Variants in KANK4 observed in about 807,000 individuals in gnomAD.
KANK4 encodes the protein KN motif and ankyrin repeat domains 4.
A neutral mutation model predicts 80.8 loss-of-function variants in KANK4; 50 were observed. The observed-to-expected ratio is 0.62, with a 90% CI of 0.49 to 0.78. KANK4 has a LOEUF of 0.78. KANK4 is among the 30% of genes least tolerant of loss of function. The pLI is 0.00. For synonymous variants in KANK4, 465 were observed against 506.9 expected (o/e 0.92, Z 1.11); for missense variants, 1,196 against 1,240.1 (o/e 0.96, Z 0.53).
chr1:62,296,585 T>C (rs570337072), intron 1 of KANK4, among the ~76,000 whole-genome samples: 6 of 152,252 alleles, frequency 3.9e-5, no homozygotes, highest in South Asian at 2.1e-4. Flanking sequence ...AGGGTCTCGC[T>C]CTGACACCCC....
intron 1 of KANK4, among the ~76,000 whole-genome samples, chr1:62,284,461 C>T (rs1199046628): frequency 1.3e-5 from 2 of 150,370 alleles, no homozygotes; most frequent in African/African-American, 2.5e-5. Flanking sequence ...GGATTACGGT[C>T]GCGCGCGCTA....
chr1:62,318,721 G>C (rs1053653615), intron 1 of KANK4, among the ~76,000 whole-genome samples: 1 of 152,238 alleles, frequency 6.6e-6, no homozygotes, highest in African/African-American at 2.4e-5. Flanking sequence ...GCTCGGAAAA[G>C]CTGGGCGGGG....
intron 9 of KANK4, 95 bp from the exon 10 acceptor site, chr1:62,238,476 A>G: frequency 3.0e-6 from 3 of 993,624 alleles, no homozygotes; most frequent in Non-Finnish European, 4.7e-6. Flanking sequence ...TATGCCTGGG[A>G]CACAGGTGTC....
chr1:62,298,933 A>T (rs934138047), intron 1 of KANK4, among the ~76,000 whole-genome samples: 62 of 114,166 alleles, frequency 5.4e-4, no homozygotes, highest in Non-Finnish European at 9.4e-4. Flanking sequence ...TCTATGTATT[A>T]TTTTTTTTTT....
Position 62,273,257 on chromosome 1 carries a change from G to A in KANK4, c.1847C>T (p.Ala616Val), listed in dbSNP as rs751448622. ...SLNLLLSAYS[A>V]QAHPPKEPPA... ...TGGCTCCTTGGGTGGGTGAGCCTGG[G>A]CCGAGTAGGCCGACAGCAGCAGGTT... Residue 616 changes from alanine (A) to valine (V), a missense_variant, in exon 3 of 10, where the codon GCC becomes GTC. By Grantham distance (64) the Ala-to-Val change is moderately conservative (BLOSUM62 0). Around this residue, in one of 3 missense-constraint regions of KANK4, gnomAD observed 1,154 missense variants for 1,179.6 expected, o/e 0.98. Transcript: ENST00000371153. The A allele has an allele frequency of 3.0e-5, 47 of 1,547,914 alleles. No individual in the cohort carries two copies. The highest frequency in any genetic ancestry group is 3.8e-5 in the Non-Finnish European group (43 of 1,146,084).
At chr1:62,262,535 C>T (rs941359029) in intron 7 of KANK4, among the ~76,000 whole-genome samples, 1 of 152,152 alleles carries the variant, frequency 6.6e-6, no homozygotes, top group South Asian at 2.1e-4. Context: ...AACCTAAATG[C>T]CTGTCAACCA....
At chr1:62,296,169 T>TA (rs1427575842) in intron 1 of KANK4, among the ~76,000 whole-genome samples, 1 of 152,224 alleles carries the variant, frequency 6.6e-6, no homozygotes, top group Non-Finnish European at 1.5e-5. Flanking sequence ...AGTGCATTCT[T>TA]AGCACGAAGC....
In KANK4 at chr1:62,293,062, T is replaced by TTGTGTGTG. The variant is rs5774593; in HGVS notation, c.-70-11436_-70-11429dup. Reference sequence around the variant, plus strand: ...CCCCTGCCATTAAGTGTCTCAATCTTTGTGTGTGTGTGTGTGTGTGTGTGT... The same window carrying TTGTGTGTG: ...CCCCTGCCATTAAGTGTCTCAATCTTTGTGTGTGTGTGTGTGTGTGTGTGTGTGTGTGT... On this transcript the variant is annotated intron_variant, in intron 1 of 9. Transcript: ENST00000371153. Among the ~76,000 whole-genome samples, 39 of 146,790 alleles carry TTGTGTGTG rather than the reference T, an allele frequency of 2.7e-4. 1 individual carries two copies. The South Asian group carries it at 3.7e-3, about 14-fold the overall frequency.
intron 1 of KANK4, among the ~76,000 whole-genome samples, chr1:62,316,029 G>A (rs1483960897): frequency 3.3e-5 from 5 of 152,252 alleles, no homozygotes; most frequent in Admixed American, 3.3e-4. Context: ...AAAGGGGCCA[G>A]GCAGGCAAGA....
At chr1:62,255,878 G>A (rs759715529) in intron 7 of KANK4, among the ~76,000 whole-genome samples, 3 of 152,140 alleles carry the variant, frequency 2.0e-5, no homozygotes, top group Admixed American at 1.3e-4. Context: ...TCGAACTCTT[G>A]AGCTCAAGCC....
At chr1:62,271,076 G>T (rs1363849013) in intron 4 of KANK4, among the ~76,000 whole-genome samples, 1 of 152,134 alleles carries the variant, frequency 6.6e-6, no homozygotes, top group Non-Finnish European at 1.5e-5. Context: ...AAACACTTGG[G>T]TTTGGCTTGC....
chr1:62,282,949 G>T (rs1672482680), intron 1 of KANK4, among the ~76,000 whole-genome samples: 1 of 152,234 alleles, frequency 6.6e-6, no homozygotes, highest in African/African-American at 2.4e-5. Context: ...AGGGAGCTGA[G>T]AGTGTAGGTG....
At chr1:62,306,512 C>T (rs975975719) in intron 1 of KANK4, among the ~76,000 whole-genome samples, 1 of 152,080 alleles carries the variant, frequency 6.6e-6, no homozygotes, top group African/African-American at 2.4e-5. Flanking sequence ...CCAAACTGGT[C>T]TATATGCTCT....
At chr1:62,264,155 C>T (rs1327270603) in intron 6 of KANK4, among the ~76,000 whole-genome samples, 4 of 152,206 alleles carry the variant, frequency 2.6e-5, no homozygotes, top group African/African-American at 4.8e-5. Context: ...CGGCAGCTCT[C>T]GCCTGTAATC....
chr1:62,273,354 C>A lies in KANK4; in HGVS notation c.1750G>T (p.Glu584Ter). Residue 584 changes from glutamate to a stop codon, truncating the protein, a stop_gained, in exon 3 of 10, where the codon GAG (glutamate) becomes TAG (stop). Transcript: ENST00000371153. LOFTEE classifies it high-confidence loss of function. ...QWNCLEHGYPELASAIKQPAS... is the reference protein window; with the variant it reads ...QWNCLEHGYP Reference sequence around the variant, plus strand: ...GGCTGCTTGATGGCGCTGGCCAGCTCCGGGTACCCATGCTCCAGGCAGTTC... The same window carrying A: ...GGCTGCTTGATGGCGCTGGCCAGCTACGGGTACCCATGCTCCAGGCAGTTC... 6.2e-7 allele frequency: 1 copy of A among 1,608,056 alleles called. No homozygotes were observed. Among genetic ancestry groups the A allele is most frequent in the Non-Finnish European group, 8.5e-7 (1 of 1,175,458 alleles).
intron 1 of KANK4, among the ~76,000 whole-genome samples, chr1:62,297,357 G>T (rs1042338796): frequency 6.6e-6 from 1 of 152,080 alleles, no homozygotes; most frequent in Non-Finnish European, 1.5e-5. Flanking sequence ...TTAATTTCAG[G>T]ATGACCATAT....
intron 1 of KANK4, among the ~76,000 whole-genome samples, chr1:62,283,831 G>A (rs371396357): frequency 6.6e-6 from 1 of 152,122 alleles, no homozygotes; most frequent in African/African-American, 2.4e-5. Flanking sequence ...TCAGCCCATC[G>A]TATATCAGAT....
intron 1 of KANK4, among the ~76,000 whole-genome samples, chr1:62,309,851 A>G (rs1419930061): frequency 6.6e-6 from 1 of 152,186 alleles, no homozygotes; most frequent in Non-Finnish European, 1.5e-5. Flanking sequence ...GCCCAAAGCA[A>G]TGGTTCAAAA....
At chr1:62,261,830 G>A (rs1358667725) in intron 7 of KANK4, among the ~76,000 whole-genome samples, 1 of 152,088 alleles carries the variant, frequency 6.6e-6, no homozygotes, top group Non-Finnish European at 1.5e-5. Flanking sequence ...AGTTCCTTCT[G>A]CCTGGAAGAC....
Sources: gnomAD v4.1 joint callset for allele counts (sites outside exome capture counted in the v4.1 genomes callset) on GRCh38, gnomAD v4.1.1 for gene constraint, gnomAD v4.1.1 regional missense constraint, MANE v1.5 for transcripts, NCBI Gene and HGNC (gene_info 2026-07-23, HGNC 2026-07-21) for gene names.